PAK5: variants seen among roughly 807,000 people sequenced by gnomAD.
PAK5 encodes the protein p21 (RAC1) activated kinase 5, also known as serine/threonine-protein kinase PAK 5.
In PAK5, 16 loss-of-function variants were observed where a neutral mutation model predicts 65.9. The ratio of observed to expected loss-of-function variants is 0.24; its 90% CI spans 0.16 to 0.37. The LOEUF is 0.37. Ranked by LOEUF, PAK5 falls within the 10% of genes least tolerant of loss-of-function variation. The pLI is 1.00. For synonymous variants in PAK5, 371 were observed against 354.9 expected, an observed-to-expected ratio of 1.05 and a Z score of -0.51; for missense variants, 785 against 903.9, an observed-to-expected ratio of 0.87 and a Z score of 1.69.
chr20:9,771,582 A>ATTTTTTTTTTTTTTTTTTTTTTTTTTT (rs545140358), intron 1 of PAK5, among the ~76,000 whole-genome samples: 11 of 109,756 alleles, frequency 1.0e-4, no homozygotes, highest in East Asian at 3.2e-4. Context: ...CAATTTTTTA[A>ATTTTTTTTTTTTTTTTTTTTTTTTTTT]TTTTTTTTTT....
At chr20:9,787,551 C>T (rs1309876889) in intron 1 of PAK5, among the ~76,000 whole-genome samples, 3 of 152,010 alleles carry the variant, frequency 2.0e-5, no homozygotes, top group Admixed American at 2.0e-4. Flanking sequence ...AAGTTAAACT[C>T]TCTAAGCCTC....
chr20:9,566,149 C>T lies in PAK5; in HGVS notation c.1226G>A (p.Ser409Asn), dbSNP rs1254136038. The T allele has an allele frequency of 2.5e-6, 4 of 1,613,874 alleles. No homozygotes were observed. In the Admixed American group the frequency reaches 5.0e-5, roughly 20 times the overall value. ...SYLSSLSLSS[S>N]TYPPPSWGSS... The stretch of plus-strand genomic sequence containing the variant: ...GCCCCAGCTGGGCGGCGGGTAGGTG[C>T]TGGATGAGAGGCTGAGGGAGCTCAG... Residue 409 changes from serine (S) to asparagine (N), a missense_variant, in exon 5 of 10, where the codon AGC becomes AAC. By Grantham distance (46) the Ser-to-Asn change is conservative. This residue lies in a region of PAK5 where 422 missense variants were observed against 413.3 expected (regional missense o/e 1.02). Transcript: ENST00000353224.
chr20:9,701,269 T>C lies in PAK5; in HGVS notation c.-12+10017A>G, dbSNP rs533795067. 2.4e-3 allele frequency among the ~76,000 whole-genome samples: 372 copies of C among 152,294 alleles called. 3 individuals are homozygous for C. Among genetic ancestry groups the C allele is most frequent in the Non-Finnish European group, 3.5e-3 (236 of 68,018 alleles). On this transcript the variant is annotated intron_variant, in intron 2 of 9. Transcript: ENST00000353224. ...CAAACTTTGAAACGTGTGAAAATAT[T>C]CCTGAAATGTACCACTTACTATCAT...
rs150271304 is a variant in PAK5, at chr20:9,796,761, C to T, written c.-162+42001G>A. On this transcript the variant is annotated intron_variant, in intron 1 of 9. Transcript: ENST00000353224. The stretch of plus-strand genomic sequence containing the variant: ...GAAATGTGTGGAAGATCAAAGACTA[C>T]AGTCAAAATTTGGTGATAGATTCGA... Among the ~76,000 whole-genome samples, 602 of 152,190 alleles carry T rather than the reference C, an allele frequency of 4.0e-3. 4 individuals are homozygous for T. The highest frequency in any genetic ancestry group is 0.013 in the African/African-American group (547 of 41,532).
chr20:9,770,094 G>A (rs573346071), intron 1 of PAK5, among the ~76,000 whole-genome samples: 1 of 152,174 alleles, frequency 6.6e-6, no homozygotes, highest in East Asian at 1.9e-4. Context: ...GACACAGAAA[G>A]GCCAACAGAT....
chr20:9,582,275 A>G (rs6039512), intron 3 of PAK5, among the ~76,000 whole-genome samples: 45,596 of 151,922 alleles, frequency 0.3, 7,232 homozygotes, highest in African/African-American at 0.4. Flanking sequence ...TATTTGTTAT[A>G]TCTTCCGAGT....
intron 6 of PAK5, among the ~76,000 whole-genome samples, chr20:9,560,736 T>C (rs1402842314): frequency 6.6e-6 from 1 of 152,192 alleles, no homozygotes; most frequent in Non-Finnish European, 1.5e-5. Context: ...CTCATAGAAA[T>C]ATGTGATGGT....
intron 3 of PAK5, among the ~76,000 whole-genome samples, chr20:9,626,188 A>G (rs1214142347): frequency 6.6e-6 from 1 of 152,352 alleles, no homozygotes; most frequent in African/African-American, 2.4e-5. Context: ...TTTTAAAATT[A>G]TGGCACATCT....
chr20:9,797,782 G>C (rs1358563637), intron 1 of PAK5, among the ~76,000 whole-genome samples: 1 of 151,680 alleles, frequency 6.6e-6, no homozygotes, highest in East Asian at 1.9e-4. Context: ...GTCAGTTTTG[G>C]GTTGCCTTTT....
intron 3 of PAK5, among the ~76,000 whole-genome samples, chr20:9,628,268 G>C (rs1201582401): frequency 6.6e-6 from 1 of 152,164 alleles, no homozygotes; most frequent in Non-Finnish European, 1.5e-5. Context: ...CAGAGGTTAA[G>C]TAACTTGCAC....
At chr20:9,805,394 T>C (rs951271365) in intron 1 of PAK5, among the ~76,000 whole-genome samples, 4 of 152,144 alleles carry the variant, frequency 2.6e-5, no homozygotes, top group Non-Finnish European at 5.9e-5. Flanking sequence ...AACTGAAAAC[T>C]TACGTTCACA....
intron 4 of PAK5, among the ~76,000 whole-genome samples, chr20:9,569,178 T>C (rs2045733283): frequency 1.3e-5 from 2 of 152,256 alleles, no homozygotes; most frequent in Admixed American, 1.3e-4. Context: ...CAGTTTGTTT[T>C]AAGCCATGAA....
intron 1 of PAK5, among the ~76,000 whole-genome samples, chr20:9,731,730 G>A (rs2048336936): frequency 1.3e-5 from 2 of 152,218 alleles, no homozygotes; most frequent in African/African-American, 2.4e-5. Flanking sequence ...ACTTTGCAGT[G>A]TAGAGGAAGT....
At chr20:9,823,717 C>A (rs2049450722) in intron 1 of PAK5, among the ~76,000 whole-genome samples, 1 of 152,186 alleles carries the variant, frequency 6.6e-6, no homozygotes, top group South Asian at 2.1e-4. Flanking sequence ...GACTAATAAA[C>A]TCCCCTTCCA....
chr20:9,687,886 G>GGTGT (rs111641971), intron 2 of PAK5, among the ~76,000 whole-genome samples: 27,555 of 148,570 alleles, frequency 0.19, 2,715 homozygotes, highest in East Asian at 0.27. Context: ...AAGAGAGGGA[G>GGTGT]GTGTGTGTGT....
intron 1 of PAK5, among the ~76,000 whole-genome samples, chr20:9,796,309 T>C (rs1006939671): frequency 1.3e-5 from 2 of 151,914 alleles, no homozygotes; most frequent in African/African-American, 4.8e-5. Flanking sequence ...GGAAGGTCCC[T>C]CTGAGGATGT....
chr20:9,825,080 G>C (rs969693561), intron 1 of PAK5, among the ~76,000 whole-genome samples: 3 of 152,168 alleles, frequency 2.0e-5, no homozygotes, highest in African/African-American at 7.2e-5. Context: ...GATCCTACTA[G>C]TTAAGTGAGT....
At chr20:9,597,387 G>A (rs1339214100) in intron 3 of PAK5, among the ~76,000 whole-genome samples, 2 of 152,224 alleles carry the variant, frequency 1.3e-5, no homozygotes, top group African/African-American at 4.8e-5. Context: ...TGAGGTTTGT[G>A]TATGCTTTCC....
At chr20:9,540,776 A>G (rs936999048) in intron 9 of PAK5, among the ~76,000 whole-genome samples, 2 of 148,638 alleles carry the variant, frequency 1.3e-5, no homozygotes, top group Non-Finnish European at 1.5e-5. Flanking sequence ...TCGCTGTGTC[A>G]CCTAGGCTGG....
Sources: allele counts gnomAD v4.1 joint callset (sites outside exome capture counted in the v4.1 genomes callset), GRCh38; gene constraint gnomAD v4.1.1; regional missense constraint gnomAD v4.1.1; transcripts MANE v1.5; gene names NCBI Gene and HGNC (gene_info 2026-07-23, HGNC 2026-07-21).